Variants in SGCZ observed in about 807,000 individuals in gnomAD.
The protein encoded by SGCZ is zeta-sarcoglycan.
Under a neutral mutation model 41.3 loss-of-function variants are expected in SGCZ, and 40 were observed. The observed-to-expected ratio is 0.97, with a 90% CI of 0.75 to 1.26. The LOEUF (loss-of-function observed/expected upper bound fraction) is 1.26, where lower values mean the gene tolerates loss of function less well. SGCZ is among the 50% of genes most tolerant of loss of function. The pLI is 0.00. For synonymous variants in SGCZ, 206 were observed against 137.5 expected (o/e 1.50, Z -3.49); for missense variants, 552 against 369.8 (o/e 1.49, Z -4.04).
intron 1 of SGCZ, among the ~76,000 whole-genome samples, chr8:15,021,081 TGAAA>T (rs1363184059): frequency 6.6e-6 from 1 of 152,160 alleles, no homozygotes; most frequent in Non-Finnish European, 1.5e-5. Flanking sequence ...TGGATATAAA[TGAAA>T]GAATTAACAA....
intron 1 of SGCZ, among the ~76,000 whole-genome samples, chr8:14,755,162 T>C (rs974594396): frequency 6.6e-6 from 1 of 152,202 alleles, no homozygotes; most frequent in African/African-American, 2.4e-5. Context: ...TTTTAAGTCT[T>C]GACCACTTTA....
chr8:14,548,564 C>T (rs192197605), intron 2 of SGCZ, among the ~76,000 whole-genome samples: 7 of 152,030 alleles, frequency 4.6e-5, no homozygotes, highest in African/African-American at 7.2e-5. Flanking sequence ...CAAAATTCCA[C>T]GAGAAATGCA....
chr8:14,225,915 C>T (rs1181771341), intron 4 of SGCZ, among the ~76,000 whole-genome samples: 1 of 151,992 alleles, frequency 6.6e-6, no homozygotes, highest in Non-Finnish European at 1.5e-5. Flanking sequence ...TTTTATGATA[C>T]CTCTGAAAGA....
chr8:14,429,833 G>A (rs6994805), intron 2 of SGCZ, among the ~76,000 whole-genome samples: 23 of 151,460 alleles, frequency 1.5e-4, no homozygotes, highest in Admixed American at 6.6e-4. Context: ...TTTCAATCTT[G>A]CTGCATGTTA....
intron 2 of SGCZ, among the ~76,000 whole-genome samples, chr8:14,372,265 C>T (rs932800774): frequency 9.9e-5 from 15 of 152,208 alleles, no homozygotes; most frequent in African/African-American, 3.6e-4. Flanking sequence ...TAGTAACGAC[C>T]TTGTGCTATA....
intron 1 of SGCZ, among the ~76,000 whole-genome samples, chr8:14,665,556 T>A (rs918084714): frequency 9.2e-5 from 14 of 152,206 alleles, no homozygotes; most frequent in African/African-American, 3.4e-4. Flanking sequence ...AAATGGTATT[T>A]CTAAACTCTT....
At chr8:14,917,349 T>C (rs1799466032) in intron 1 of SGCZ, among the ~76,000 whole-genome samples, 1 of 152,110 alleles carries the variant, frequency 6.6e-6, no homozygotes, top group South Asian at 2.1e-4. Context: ...TTACTCTTTT[T>C]ATTTATTCAT....
rs1176109817 is a variant in SGCZ at position 14,108,249 on chromosome 8, G to T, written c.548-14C>A. On this transcript the variant is annotated splice_polypyrimidine_tract_variant and intron_variant, in intron 5 of 7. Coordinates refer to ENST00000382080, the MANE Select transcript of SGCZ (RefSeq NM_139167.4). ...CTCCTTCAGTGCCTGGGGGTAGCAT[G>T]AATATAGCAGTCAGTATAAGCAAGT... 1 of 1,612,982 alleles carries T rather than the reference G, an allele frequency of 6.2e-7. No individual in the cohort carries two copies.
At chr8:14,183,175 T>A (rs765576741) in intron 4 of SGCZ, among the ~76,000 whole-genome samples, 28 of 152,132 alleles carry the variant, frequency 1.8e-4, no homozygotes, top group Admixed American at 1.2e-3. Context: ...AAAATTTTGT[T>A]GACATGAGTA....
intron 2 of SGCZ, among the ~76,000 whole-genome samples, chr8:14,373,495 G>T (rs1457255218): frequency 6.6e-6 from 1 of 152,138 alleles, no homozygotes; most frequent in African/African-American, 2.4e-5. Flanking sequence ...GAGCTCTCAA[G>T]ACTCCTCACC....
In SGCZ at chr8:15,032,185, C is replaced by T. The variant is rs556750746; in HGVS notation, c.39+205400G>A. Among the ~76,000 whole-genome samples, 16 of 152,100 alleles carry T rather than the reference C, an allele frequency of 1.1e-4. 1 individual carries two copies. In the South Asian group the frequency reaches 3.1e-3, roughly 30 times the overall value. Reference sequence around the variant, plus strand: ...GACTAGGACATTCAAGCGCTCACACCCCACAGAAACATCAACTTATATAAC... The same window carrying T: ...GACTAGGACATTCAAGCGCTCACACTCCACAGAAACATCAACTTATATAAC... On this transcript the variant is annotated intron_variant, in intron 1 of 7. Transcript: ENST00000382080.
At chr8:14,838,808 C>A (rs942708883) in intron 1 of SGCZ, among the ~76,000 whole-genome samples, 2 of 152,126 alleles carry the variant, frequency 1.3e-5, no homozygotes, top group African/African-American at 4.8e-5. Flanking sequence ...CTGATCATCA[C>A]ATAAAAGAAC....
intron 1 of SGCZ, among the ~76,000 whole-genome samples, chr8:15,032,819 C>T (rs536753799): frequency 6.6e-6 from 1 of 152,208 alleles, no homozygotes; most frequent in Admixed American, 6.5e-5. Context: ...CTAGCACCCA[C>T]AAACTCAACT....
chr8:15,051,321 C>G (rs1804505227), intron 1 of SGCZ, among the ~76,000 whole-genome samples: 1 of 152,152 alleles, frequency 6.6e-6, no homozygotes, highest in South Asian at 2.1e-4. Flanking sequence ...CACATAAGGT[C>G]TTGAAATTTA....
At chr8:15,174,907 A>G (rs1458888843) in intron 1 of SGCZ, among the ~76,000 whole-genome samples, 3 of 150,196 alleles carry the variant, frequency 2.0e-5, no homozygotes, top group Admixed American at 1.3e-4. Flanking sequence ...AGGAGTGTAA[A>G]TTAATTCAAC....
At chr8:14,486,608 C>T (rs955813700) in intron 2 of SGCZ, among the ~76,000 whole-genome samples, 2 of 152,218 alleles carry the variant, frequency 1.3e-5, no homozygotes, top group African/African-American at 4.8e-5. Flanking sequence ...GTGTCTTTCT[C>T]TGCTGCCCAG....
chr8:15,161,447 T>A (rs1799509621), intron 1 of SGCZ, among the ~76,000 whole-genome samples: 1 of 152,194 alleles, frequency 6.6e-6, no homozygotes, highest in Non-Finnish European at 1.5e-5. Flanking sequence ...ATCCTCAATT[T>A]TTCACCATCA....
At chr8:15,053,007 AAGG>A (rs1804571228) in intron 1 of SGCZ, among the ~76,000 whole-genome samples, 1 of 152,106 alleles carries the variant, frequency 6.6e-6, no homozygotes, top group South Asian at 2.1e-4. Flanking sequence ...GCAAAAACCT[AAGG>A]AGAACAACTT....
intron 2 of SGCZ, among the ~76,000 whole-genome samples, chr8:14,425,866 G>T (rs1563321157): frequency 1.3e-5 from 2 of 151,832 alleles, no homozygotes; most frequent in Non-Finnish European, 2.9e-5. Flanking sequence ...AACTAAAAAA[G>T]ATATTACTAA....
Sources: gnomAD v4.1 joint callset for allele counts (sites outside exome capture counted in the v4.1 genomes callset) on GRCh38, gnomAD v4.1.1 for gene constraint, MANE v1.5 for transcripts, NCBI Gene and HGNC (gene_info 2026-07-23, HGNC 2026-07-21) for gene names.